NRXN3: variants seen among roughly 807,000 people sequenced by gnomAD.
The protein encoded by NRXN3 is neurexin III.
NRXN3 carries 32 observed loss-of-function variants against 137.6 expected under a neutral mutation model. The observed-to-expected ratio is 0.23, with a 90% confidence interval of 0.18 to 0.31. The LOEUF is 0.31. Ranked by LOEUF, NRXN3 falls within the 10% of genes least tolerant of loss-of-function variation. The probability of loss-of-function intolerance (pLI) is 1.00; values close to 1 mark genes in which losing one functional copy is unlikely to be tolerated. For missense variants in NRXN3, 1,574 were observed against 2,062.5 expected (o/e 0.76, Z 4.59); for synonymous variants, 798 against 784.5 (o/e 1.02, Z -0.29).
chr14:79,329,290 C>G (rs780967004), intron 15 of NRXN3, among the ~76,000 whole-genome samples: 1 of 152,144 alleles, frequency 6.6e-6, no homozygotes, highest in Non-Finnish European at 1.5e-5. Flanking sequence ...TATAGTATAT[C>G]CATATGTTTA....
At chr14:79,224,843 C>T (rs1310097152) in intron 15 of NRXN3, among the ~76,000 whole-genome samples, 1 of 152,168 alleles carries the variant, frequency 6.6e-6, no homozygotes, top group Non-Finnish European at 1.5e-5. Flanking sequence ...CAAGGATCAC[C>T]AAGGATTGCT....
chr14:78,978,590 G>T (rs986666904), intron 14 of NRXN3, among the ~76,000 whole-genome samples: 1 of 151,198 alleles, frequency 6.6e-6, no homozygotes, highest in Admixed American at 6.6e-5. Context: ...TTTGCTGAAG[G>T]GTCCAAGACA....
At chr14:78,510,855 A>T (rs763785413) in intron 4 of NRXN3, among the ~76,000 whole-genome samples, 7 of 152,194 alleles carry the variant, frequency 4.6e-5, no homozygotes, top group Non-Finnish European at 1.0e-4. Context: ...TTTTACCTTG[A>T]TAGTAACTTC....
At chr14:79,587,270 G>A (rs1362972012) in intron 16 of NRXN3, among the ~76,000 whole-genome samples, 3 of 152,190 alleles carry the variant, frequency 2.0e-5, no homozygotes, top group Non-Finnish European at 2.9e-5. Context: ...AGAATAAACC[G>A]TTTTGTAAGA....
At chr14:79,285,355 G>A (rs938327746) in intron 15 of NRXN3, among the ~76,000 whole-genome samples, 1 of 152,132 alleles carries the variant, frequency 6.6e-6, no homozygotes, top group Non-Finnish European at 1.5e-5. Context: ...TAGAACTCTG[G>A]GTGACCAGGG....
intron 15 of NRXN3, among the ~76,000 whole-genome samples, chr14:79,461,903 T>C (rs2096348521): frequency 6.6e-6 from 1 of 152,220 alleles, no homozygotes; most frequent in Non-Finnish European, 1.5e-5. Context: ...TGAGATTTTA[T>C]ACTAAGTCCT....
intron 4 of NRXN3, among the ~76,000 whole-genome samples, chr14:78,607,364 C>T (rs889967664): frequency 2.6e-5 from 4 of 152,130 alleles, no homozygotes; most frequent in Admixed American, 6.5e-5. Flanking sequence ...CTTTATTAAT[C>T]CTAAAGGACC....
intron 4 of NRXN3, among the ~76,000 whole-genome samples, chr14:78,348,236 T>C (rs1310792272): frequency 2.0e-5 from 3 of 152,162 alleles, no homozygotes; most frequent in Non-Finnish European, 4.4e-5. Flanking sequence ...ACCTATGCAT[T>C]CAGAGGCTAC....
intron 15 of NRXN3, among the ~76,000 whole-genome samples, chr14:79,307,684 C>T (rs1329620459): frequency 1.3e-5 from 2 of 152,100 alleles, no homozygotes; most frequent in Non-Finnish European, 1.5e-5. Context: ...AGAAGGCTTT[C>T]GTTCTCCAGC....
chr14:78,390,261 G>C (rs1276842136), intron 4 of NRXN3, among the ~76,000 whole-genome samples: 1 of 152,108 alleles, frequency 6.6e-6, no homozygotes, highest in Non-Finnish European at 1.5e-5. Flanking sequence ...ACCTATTTTT[G>C]TAAATAAAGT....
chr14:79,548,581 A>G (rs1315780632), intron 16 of NRXN3, among the ~76,000 whole-genome samples: 22 of 151,990 alleles, frequency 1.4e-4, no homozygotes. Context: ...GTAGTATGGC[A>G]TTTCTAACCA....
chr14:78,295,916 C>T (rs1174490121), intron 3 of NRXN3, among the ~76,000 whole-genome samples: 1 of 152,108 alleles, frequency 6.6e-6, no homozygotes, highest in East Asian at 1.9e-4. Flanking sequence ...CCATCGCTTT[C>T]CTACTCACTT....
chr14:79,152,840 G>A (rs1450068678), intron 15 of NRXN3, among the ~76,000 whole-genome samples: 1 of 151,976 alleles, frequency 6.6e-6, no homozygotes, highest in Non-Finnish European at 1.5e-5. Flanking sequence ...TTATGTGTTT[G>A]TGAAGAAAAG....
intron 20 of NRXN3, among the ~76,000 whole-genome samples, chr14:79,848,650 G>A (rs1427576663): frequency 6.6e-6 from 1 of 152,092 alleles, no homozygotes; most frequent in Non-Finnish European, 1.5e-5. Flanking sequence ...GGTTTTGTAT[G>A]AAACATTTTC....
rs148547860 is a variant in NRXN3, at chr14:78,451,411, T to A, written c.757+153551T>A. Among the ~76,000 whole-genome samples the A allele has an allele frequency of 1.3e-3, 195 of 152,344 alleles. 1 individual carries two copies. The highest frequency in any genetic ancestry group is 3.4e-3 in the Middle Eastern group (1 of 294). The stretch of plus-strand genomic sequence containing the variant: ...ATGCTGGAGAAATCACACTGCACAG[T>A]GTCTGACACTTGGTATGTGTTCTGT... On this transcript the variant is annotated intron_variant, in intron 4 of 20. Transcript: ENST00000335750.
intron 4 of NRXN3, among the ~76,000 whole-genome samples, chr14:78,357,303 G>A (rs536220217): frequency 6.6e-6 from 1 of 152,240 alleles, no homozygotes; most frequent in East Asian, 1.9e-4. Context: ...TAAACCATCG[G>A]ATCTCACGAA....
At chr14:79,517,424 G>C (rs2097003301) in intron 16 of NRXN3, among the ~76,000 whole-genome samples, 1 of 151,906 alleles carries the variant, frequency 6.6e-6, no homozygotes, top group African/African-American at 2.4e-5. Flanking sequence ...TTTGCCTTTT[G>C]ATTTTCCTTA....
intron 16 of NRXN3, among the ~76,000 whole-genome samples, chr14:79,490,975 A>C (rs2096711251): frequency 6.6e-6 from 1 of 152,186 alleles, no homozygotes; most frequent in African/African-American, 2.4e-5. Context: ...AAAATGAATA[A>C]AAACATCCTT....
chr14:79,102,255 C>T (rs944588928), intron 15 of NRXN3, among the ~76,000 whole-genome samples: 1 of 152,162 alleles, frequency 6.6e-6, no homozygotes, highest in African/African-American at 2.4e-5. Context: ...ATCATTTAAC[C>T]TAATTCCCCT....
Sources: allele counts gnomAD v4.1 joint callset (sites outside exome capture counted in the v4.1 genomes callset), GRCh38; gene constraint gnomAD v4.1.1; transcripts MANE v1.5; gene names NCBI Gene and HGNC (gene_info 2026-07-23, HGNC 2026-07-21).